The following TRIM56 variants were observed in gnomAD, a reference collection of about 807,000 sequenced individuals.
TRIM56 encodes E3 ubiquitin-protein ligase TRIM56.
Under a neutral mutation model 17.1 loss-of-function variants are expected in TRIM56, and 10 were observed. The ratio of observed to expected loss-of-function variants is 0.58; its 90% CI spans 0.36 to 0.99. TRIM56 has a LOEUF of 0.99. TRIM56 is among the 50% of genes least tolerant of loss of function. TRIM56 has a pLI of 0.01. For missense variants in TRIM56, 923 were observed against 1,052.3 expected (o/e 0.88, Z 1.70); for synonymous variants, 503 against 473.5 (o/e 1.06, Z -0.81).
rs903958667 is a variant in TRIM56, at chr7:101,093,102, C to G, written c.*3522C>G. ...AGGGTTAAATGGATTAAGGGCGGTG[C>G]AAGATGTGCTTTGTTAAACAGATGC... On this transcript the variant is annotated 3_prime_UTR_variant, in exon 3 of 3. Transcript: ENST00000306085. 5.9e-6 allele frequency: 1 copy of G among 168,726 alleles called. No homozygotes were observed. Among genetic ancestry groups the G allele is most frequent in the African/African-American group, 2.4e-5 (1 of 41,568 alleles). 10.5% of individuals were successfully genotyped at this position (168,726 alleles called of 1,614,324 possible). A position where few individuals can be genotyped will look rare whatever the true frequency, so the allele number is the denominator to read the frequency against.
Position 101,088,694 on chromosome 7 carries a change from A to G in TRIM56, c.1382A>G (p.Lys461Arg). Residue 461 changes from lysine (K) to arginine (R), a missense_variant, in exon 3 of 3, where the codon AAA (lysine) becomes AGA (arginine). Transcript: ENST00000306085. ...PHRGGRPNKK[K>R]KFKGRLKSIS... ...AGGGGTGGCAGACCCAACAAGAAGA[A>G]AAAGTTCAAAGGCAGGCTCAAGTCA... The G allele has an allele frequency of 6.2e-7, 1 of 1,613,990 alleles. No homozygotes were observed. The highest frequency in any genetic ancestry group is 1.1e-5 in the South Asian group (1 of 91,078).
rs1313811646 is a variant in TRIM56 at position 101,091,800 on chromosome 7, C to T, written c.*2220C>T. 2.3e-6 allele frequency: 1 copy of T among 429,154 alleles called. No homozygotes were observed. The highest frequency in any genetic ancestry group is 2.7e-5 in the Admixed American group (1 of 36,476). The allele number at this position is 429,154 out of a possible 1,614,324, so 26.6% of individuals were successfully genotyped here. On this transcript the variant is annotated 3_prime_UTR_variant, in exon 3 of 3. Coordinates refer to ENST00000306085, the MANE Select transcript of TRIM56 (RefSeq NM_030961.3). ...TCCCTCTCCCCACGGTCTCCCTCTG[C>T]CTCTCTTTCCATGGTCACGGTCTCC...
chr7:101,087,897 C>T lies in TRIM56; in HGVS notation c.585C>T (p.Asp195=), dbSNP rs1273556602. 15 of 1,604,644 alleles carry T rather than the reference C, an allele frequency of 9.3e-6. No homozygotes were observed. Among genetic ancestry groups the T allele is most frequent in the Non-Finnish European group, 1.3e-5 (15 of 1,178,486 alleles). The change falls in exon 3 of 3, where the codon GAC becomes GAT. Residue 195 remains aspartate (D), a synonymous_variant. Coordinates refer to ENST00000306085, the MANE Select transcript of TRIM56 (RefSeq NM_030961.3). ...TGCTGTGCAGAGAGTGCCGCCTAGA[C>T]CCCCACCTGGACCACCCCTGCCTGC... ...SQLLCRECRL[D]PHLDHPCLPL... is the part of the protein sequence containing the mutation.
Position 101,089,215 on chromosome 7 carries a change from C to A in TRIM56, c.1903C>A (p.Arg635=). 6.2e-7 allele frequency: 1 copy of A among 1,613,598 alleles called. No individual in the cohort carries two copies. Among genetic ancestry groups the A allele is most frequent in the South Asian group, 1.1e-5 (1 of 91,048 alleles). Residue 635 remains arginine (R), a synonymous_variant, in exon 3 of 3, where the codon CGG becomes AGG. Transcript: ENST00000306085. ...IPGGKASRGL[R]ALVFLTTSPQ... ...TGGAGGCAAGGCCAGCCGGGGCCTGCGGGCGCTGGTGTTTCTGACCACCAG... is the reference window on the plus strand; with the variant it reads ...TGGAGGCAAGGCCAGCCGGGGCCTGAGGGCGCTGGTGTTTCTGACCACCAG...
Position 101,091,614 on chromosome 7 carries a change from C to G in TRIM56, c.*2034C>G, listed in dbSNP as rs532851680. The G allele has an allele frequency of 1.8e-3, 686 of 386,430 alleles. 3 individuals carry two copies. The highest frequency in any genetic ancestry group is 0.014 in the African/African-American group (645 of 46,256). 23.9% of individuals were successfully genotyped at this position (386,430 alleles called of 1,614,324 possible). A position where few individuals can be genotyped will look rare whatever the true frequency, so the allele number is the denominator to read the frequency against. On this transcript the variant is annotated 3_prime_UTR_variant, in exon 3 of 3. Coordinates refer to ENST00000306085, the MANE Select transcript of TRIM56 (RefSeq NM_030961.3). ...TGGGAGCGGGCGTCTGTAATCCCAG[C>G]TACTTGGGAGGCTGAGGCAGGAGAA...
rs1795665526 is a variant in TRIM56 at position 101,097,301 on chromosome 7, T to A, written c.*7721T>A. On this transcript the variant is annotated 3_prime_UTR_variant, in exon 3 of 3. Coordinates refer to ENST00000306085, the MANE Select transcript of TRIM56 (RefSeq NM_030961.3). ...AATTAAGTGGGAGATTGGAAAGGGG[T>A]GCGGACTTCTGTATTGGGGAGAAGG... The A allele has an allele frequency of 6.6e-6, 1 of 152,004 alleles. No homozygotes were observed. Among genetic ancestry groups the A allele is most frequent in the Admixed American group, 6.6e-5 (1 of 15,240 alleles). The allele number at this position is 152,004 out of a possible 1,614,324, so 9.4% of individuals were successfully genotyped here. A position where few individuals can be genotyped will look rare whatever the true frequency, so the allele number is the denominator to read the frequency against.
Position 101,088,947 on chromosome 7 carries a change from G to A in TRIM56, c.1635G>A (p.Pro545=), listed in dbSNP as rs373662821. The A allele has an allele frequency of 5.6e-6, 9 of 1,613,212 alleles. No homozygotes were observed. Among genetic ancestry groups the A allele is most frequent in the East Asian group, 2.2e-5 (1 of 44,878 alleles). Residue 545 remains proline, a synonymous_variant, in exon 3 of 3, where the codon CCG becomes CCA. Transcript: ENST00000306085. Reference sequence around the variant, plus strand: ...ACGGCGACTACAAGGGCACCGTGCCGGTCCCTGAGGGCTGCTCCCCTTGCA... The same window carrying A: ...ACGGCGACTACAAGGGCACCGTGCCAGTCCCTGAGGGCTGCTCCCCTTGCA... ...SLNGDYKGTV[P]VPEGCSPCSV...
Position 101,087,497 on chromosome 7 carries a change from C to T in TRIM56, c.185C>T (p.Thr62Ile). 6.2e-7 allele frequency: 1 copy of T among 1,613,600 alleles called. No individual in the cohort carries two copies. Among genetic ancestry groups the T allele is most frequent in the Non-Finnish European group, 8.5e-7 (1 of 1,179,832 alleles). The change falls in exon 3 of 3, where the codon ACA (threonine) becomes ATA (isoleucine). Residue 62 changes from threonine to isoleucine, a missense_variant. Physicochemically the swap from Thr to Ile is moderately conservative, Grantham distance 89. Around this residue, in one of 3 missense-constraint regions of TRIM56, gnomAD observed 98 missense variants for 143.6 expected, o/e 0.68. Coordinates refer to ENST00000306085, the MANE Select transcript of TRIM56 (RefSeq NM_030961.3). ...GTCCGCTGCCCCGAGTGCCGCGAGA[C>T]AGTGCCTGTGCCGCCCGAGGGTGTG... ...GRVRCPECRE[T>I]VPVPPEGVAS...
rs1302434997 is a variant in TRIM56, at chr7:101,092,919, A to T, written c.*3339A>T. ...AAAGGGGGAAAGGTGGGGAAAAGAT[A>T]GAGAAATCAGATTGTTGCCGTGTCT... is the stretch of plus-strand genomic sequence containing the variant. On this transcript the variant is annotated 3_prime_UTR_variant, in exon 3 of 3. Coordinates refer to ENST00000306085, the MANE Select transcript of TRIM56 (RefSeq NM_030961.3). The T allele has an allele frequency of 3.3e-5, 6 of 182,716 alleles. No homozygotes were observed. Among genetic ancestry groups the T allele is most frequent in the Admixed American group, 1.3e-4 (2 of 15,792 alleles). The allele number at this position is 182,716 out of a possible 1,614,324, so 11.3% of individuals were successfully genotyped here.
chr7:101,094,409 T>C lies in TRIM56; in HGVS notation c.*4829T>C, dbSNP rs1795626243. 6.6e-6 allele frequency: 1 copy of C among 152,238 alleles called. No homozygotes were observed. Among genetic ancestry groups the C allele is most frequent in the Non-Finnish European group, 1.5e-5 (1 of 68,036 alleles). The allele number at this position is 152,238 out of a possible 1,614,324, so 9.4% of individuals were successfully genotyped here. On this transcript the variant is annotated 3_prime_UTR_variant, in exon 3 of 3. Coordinates refer to ENST00000306085, the MANE Select transcript of TRIM56 (RefSeq NM_030961.3). Reference sequence around the variant, plus strand: ...ATTATTTTGTGCTATTATTCATACGTGTACATTTCTACTTCAGTTTTTATT... The same window carrying C: ...ATTATTTTGTGCTATTATTCATACGCGTACATTTCTACTTCAGTTTTTATT...
Position 101,089,700 on chromosome 7 carries a change from A to C in TRIM56, c.*120A>C. On this transcript the variant is annotated 3_prime_UTR_variant, in exon 3 of 3. Transcript: ENST00000306085. Reference sequence around the variant, plus strand: ...GAAGGGCAGGGGTTGGCAACTTTTCAACATGGAGTGCCAAACTGCTAACCC... The same window carrying C: ...GAAGGGCAGGGGTTGGCAACTTTTCCACATGGAGTGCCAAACTGCTAACCC... The C allele has an allele frequency of 1.0e-6, 1 of 953,436 alleles. No homozygotes were observed. Among genetic ancestry groups the C allele is most frequent in the South Asian group, 1.8e-5 (1 of 56,614 alleles). The allele number at this position is 953,436 out of a possible 1,614,324, so 59.1% of individuals were successfully genotyped here. A position where few individuals can be genotyped will look rare whatever the true frequency, so the allele number is the denominator to read the frequency against.
Position 101,088,771 on chromosome 7 carries a change from C to A in TRIM56, c.1459C>A (p.Leu487Ile), listed in dbSNP as rs780410779. The A allele has an allele frequency of 1.2e-6, 2 of 1,613,988 alleles. No individual in the cohort carries two copies. Among genetic ancestry groups the A allele is most frequent in the Non-Finnish European group, 1.7e-6 (2 of 1,180,030 alleles). ...ALGPNLDGSG[L>I]LPRPIFYCSF... is the part of the protein sequence containing the mutation. ...GGGGCCGAATCTGGACGGCTCTGGC[C>A]TCCTCCCCAGACCCATCTTTTACTG... Residue 487 changes from leucine to isoleucine, a missense_variant, in exon 3 of 3, where the codon CTC becomes ATC. Physicochemically the swap from Leu to Ile is conservative, Grantham distance 5 (BLOSUM62 2). Coordinates refer to ENST00000306085, the MANE Select transcript of TRIM56 (RefSeq NM_030961.3).
rs914716735 is a variant in TRIM56, at chr7:101,094,045, A to C, written c.*4465A>C. 2 of 152,232 alleles carry C rather than the reference A, an allele frequency of 1.3e-5. No homozygotes were observed. The highest frequency in any genetic ancestry group is 4.8e-5 in the African/African-American group (2 of 41,472). 9.4% of individuals were successfully genotyped at this position (152,232 alleles called of 1,614,324 possible). On this transcript the variant is annotated 3_prime_UTR_variant, in exon 3 of 3. Coordinates refer to ENST00000306085, the MANE Select transcript of TRIM56 (RefSeq NM_030961.3). ...CATTCTGGGAAAATAATGTAAGAGA[A>C]AAAATATTTGCATACAGACATTTGA...
rs921798420 is a variant in TRIM56 at position 101,092,204 on chromosome 7, C to T, written c.*2624C>T. 3 of 208,178 alleles carry T rather than the reference C, an allele frequency of 1.4e-5. No individual in the cohort carries two copies. The highest frequency in any genetic ancestry group is 2.4e-5 in the African/African-American group (1 of 41,856). 12.9% of individuals were successfully genotyped at this position (208,178 alleles called of 1,614,324 possible). On this transcript the variant is annotated 3_prime_UTR_variant, in exon 3 of 3. Coordinates refer to ENST00000306085, the MANE Select transcript of TRIM56 (RefSeq NM_030961.3). ...GCCGAGATTACAGCCTCTGCCCGGC[C>T]GCCACCCCCTCTGGGAAGTGCGGAG...
intron 1 of TRIM56, among the ~76,000 whole-genome samples, chr7:101,086,012 G>A (rs538011167): frequency 5.5e-4 from 84 of 152,304 alleles, no homozygotes; most frequent in South Asian, 2.3e-3. Context: ...TTCCCCTAGC[G>A]TTTTTTCTGC....
Position 101,089,465 on chromosome 7 carries a change from C to T in TRIM56, c.2153C>T (p.Ala718Val). 1.2e-6 allele frequency: 2 copies of T among 1,614,260 alleles called. No individual in the cohort carries two copies. The highest frequency in any genetic ancestry group is 1.7e-6 in the Non-Finnish European group (2 of 1,180,042). Reference sequence around the variant, plus strand: ...TCCCTCCTTGGAGACTTCCTGACAGCCTACCACGGCCTGGAAAAGCCCCGG... The same window carrying T: ...TCCCTCCTTGGAGACTTCCTGACAGTCTACCACGGCCTGGAAAAGCCCCGG... Reference protein sequence around the residue: ...KGSLLGDFLTAYHGLEKPRVT... With the variant: ...KGSLLGDFLTVYHGLEKPRVT... Residue 718 changes from alanine (A) to valine (V), a missense_variant, in exon 3 of 3, where the codon GCC becomes GTC. This residue lies in a region of TRIM56 where 182 missense variants were observed against 243.1 expected (regional missense o/e 0.75). Transcript: ENST00000306085.
rs1795669063 is a variant in TRIM56, at chr7:101,097,579, A to G, written c.*7999A>G. The G allele has an allele frequency of 6.6e-6, 1 of 152,220 alleles. No individual in the cohort carries two copies. Among genetic ancestry groups the G allele is most frequent in the Non-Finnish European group, 1.5e-5 (1 of 68,050 alleles). The allele number at this position is 152,220 out of a possible 1,614,324, so 9.4% of individuals were successfully genotyped here. A position where few individuals can be genotyped will look rare whatever the true frequency, so the allele number is the denominator to read the frequency against. ...ACAAAGTACAGCAACATCAGACTAGATCTCACCTGAGGTGCTGGGTGAGAA... is the reference window on the plus strand; with the variant it reads ...ACAAAGTACAGCAACATCAGACTAGGTCTCACCTGAGGTGCTGGGTGAGAA... On this transcript the variant is annotated 3_prime_UTR_variant, in exon 3 of 3. Coordinates refer to ENST00000306085, the MANE Select transcript of TRIM56 (RefSeq NM_030961.3).
At position 101,088,389 on chromosome 7, in the gene TRIM56, G is replaced by T; in HGVS notation, c.1077G>T (p.Leu359=). Residue 359 remains leucine, a synonymous_variant, in exon 3 of 3, where the codon CTG becomes CTT. Transcript: ENST00000306085. ...AGCTGGAGCTCCATCCTGGGCTCCTGGACAAGAACTGCCACCTTCTTCGGC... is the reference window on the plus strand; with the variant it reads ...AGCTGGAGCTCCATCCTGGGCTCCTTGACAAGAACTGCCACCTTCTTCGGC... The part of the protein sequence containing the change: ...LPQLELHPGL[L]DKNCHLLRLS... The T allele has an allele frequency of 6.3e-7, 1 of 1,588,806 alleles. No individual in the cohort carries two copies.
chr7:101,089,793 C>A lies in TRIM56; in HGVS notation c.*213C>A. The A allele has an allele frequency of 1.9e-6, 1 of 515,058 alleles. No individual in the cohort carries two copies. Among genetic ancestry groups the A allele is most frequent in the Non-Finnish European group, 3.5e-6 (1 of 284,976 alleles). The allele number at this position is 515,058 out of a possible 1,614,324, so 31.9% of individuals were successfully genotyped here. A position where few individuals can be genotyped will look rare whatever the true frequency, so the allele number is the denominator to read the frequency against. Reference sequence around the variant, plus strand: ...CCTTAACTCTCAGAAGCAGAGGAGGCAGGTGGGTGGAGGGGGATGCTGGGA... The same window carrying A: ...CCTTAACTCTCAGAAGCAGAGGAGGAAGGTGGGTGGAGGGGGATGCTGGGA... On this transcript the variant is annotated 3_prime_UTR_variant, in exon 3 of 3. Coordinates refer to ENST00000306085, the MANE Select transcript of TRIM56 (RefSeq NM_030961.3).
Sources: allele counts gnomAD v4.1 joint callset (sites outside exome capture counted in the v4.1 genomes callset), GRCh38; gene constraint gnomAD v4.1.1; regional missense constraint gnomAD v4.1.1; transcripts MANE v1.5; gene names NCBI Gene and HGNC (gene_info 2026-07-23, HGNC 2026-07-21).